STAM2: variants seen among roughly 807,000 people sequenced by gnomAD.
STAM2 encodes signal transducing adapter molecule 2.
STAM2 carries 51 observed loss-of-function variants against 65.6 expected under a neutral mutation model. The ratio of observed to expected loss-of-function variants is 0.78; its 90% CI spans 0.62 to 0.98. The LOEUF is 0.98. Among genes scored for constraint, STAM2 ranks in the 50% least tolerant of loss-of-function variants. The pLI is 0.00. For missense variants in STAM2, 584 were observed against 617.8 expected (o/e 0.95, Z 0.58); for synonymous variants, 198 against 208.4 (o/e 0.95, Z 0.43).
chr2:152,137,485 T>C (rs967121719), intron 7 of STAM2, among the ~76,000 whole-genome samples: 3 of 152,224 alleles, frequency 2.0e-5, no homozygotes, highest in African/African-American at 7.2e-5. Context: ...TCTTTTTTCA[T>C]GGATCTGTAG....
Position 152,124,124 on chromosome 2 carries a change from T to A in STAM2, c.1180-189A>T, listed in dbSNP as rs1381436390. On this transcript the variant is annotated intron_variant, in intron 12 of 13. Transcript: ENST00000263904. ...AATCACAGTGCCAAATCTATGGAAA[T>A]TTGATTTGTTTGGCTGTTCTTTTAT... is the stretch of plus-strand genomic sequence containing the variant. 5.5e-6 allele frequency: 3 copies of A among 546,208 alleles called. No individual in the cohort carries two copies. The African/African-American group carries it at 5.7e-5, about 10-fold the overall frequency. 33.8% of individuals were successfully genotyped at this position (546,208 alleles called of 1,614,324 possible). A position where few individuals can be genotyped will look rare whatever the true frequency, so the allele number is the denominator to read the frequency against.
intron 13 of STAM2, among the ~76,000 whole-genome samples, chr2:152,121,414 CTG>C: frequency 6.6e-6 from 1 of 152,308 alleles, no homozygotes; most frequent in African/African-American, 2.4e-5. Flanking sequence ...GAGATGCAAA[CTG>C]TTCCTGACAG....
Position 152,118,103 on chromosome 2 carries a change from A to C in STAM2, c.*2471T>G, listed in dbSNP as rs1437703094. 1 of 152,122 alleles carries C rather than the reference A, an allele frequency of 6.6e-6. No individual in the cohort carries two copies. Among genetic ancestry groups the C allele is most frequent in the East Asian group, 1.9e-4 (1 of 5,202 alleles). 9.4% of individuals were successfully genotyped at this position (152,122 alleles called of 1,614,324 possible). A position where few individuals can be genotyped will look rare whatever the true frequency, so the allele number is the denominator to read the frequency against. ...TTCAGGAATTCTTTCTGATGTACCAAGATTTCATATGAAAAAGCAGAAGCT... is the reference window on the plus strand; with the variant it reads ...TTCAGGAATTCTTTCTGATGTACCACGATTTCATATGAAAAAGCAGAAGCT... On this transcript the variant is annotated 3_prime_UTR_variant, in exon 14 of 14. Transcript: ENST00000263904.
At position 152,148,597 on chromosome 2, in the gene STAM2, G is replaced by A. The variant is rs551532572; in HGVS notation, c.126-297C>T. 9.6e-4 allele frequency among the ~76,000 whole-genome samples: 146 copies of A among 152,284 alleles called. 1 individual carries two copies. Among genetic ancestry groups the A allele is most frequent in the Non-Finnish European group, 1.6e-3 (110 of 68,024 alleles). ...AGGCAAGAGGACTGCTTGAGCCCAG[G>A]AAGCTGCTGTGAGCTGTGTCATGCC... On this transcript the variant is annotated intron_variant, in intron 2 of 13. Coordinates refer to ENST00000263904, the MANE Select transcript of STAM2 (RefSeq NM_005843.6).
intron 7 of STAM2, among the ~76,000 whole-genome samples, chr2:152,143,041 T>C (rs920002362): frequency 1.3e-5 from 2 of 152,242 alleles, no homozygotes; most frequent in Non-Finnish European, 2.9e-5. Flanking sequence ...ATTGTCTATA[T>C]GGTAATTTTA....
chr2:152,162,506 G>A (rs12466663), intron 1 of STAM2, among the ~76,000 whole-genome samples: 56,050 of 152,096 alleles, frequency 0.37, 12,611 homozygotes, highest in Non-Finnish European at 0.51. Flanking sequence ...ATGAGCCCAG[G>A]AGTTTGAGGT....
At chr2:152,159,656 T>C (rs954503858) in intron 1 of STAM2, among the ~76,000 whole-genome samples, 22 of 152,264 alleles carry the variant, frequency 1.4e-4, no homozygotes, top group Non-Finnish European at 2.8e-4. Flanking sequence ...ATTTTTCCCA[T>C]TGGAAAAGTA....
chr2:152,155,890 G>A (rs1438116314), intron 1 of STAM2, among the ~76,000 whole-genome samples: 2 of 152,166 alleles, frequency 1.3e-5, no homozygotes, highest in East Asian at 1.9e-4. Flanking sequence ...ATATTTTTAC[G>A]AATTTTTTGT....
At chr2:152,143,619 A>T (rs114050729) in intron 7 of STAM2, among the ~76,000 whole-genome samples, 486 of 152,368 alleles carry the variant, frequency 3.2e-3, no homozygotes, top group African/African-American at 0.011. Flanking sequence ...TTCATCCAAG[A>T]TATAAATTAT....
chr2:152,135,433 T>TA, intron 8 of STAM2, 76 bp downstream of exon 8: 14 of 1,026,500 alleles, frequency 1.4e-5, no homozygotes, highest in Non-Finnish European at 2.1e-5. Context: ...CAATCTACTT[T>TA]ACATCCAAAA....
intron 7 of STAM2, among the ~76,000 whole-genome samples, chr2:152,142,441 TCTAA>T (rs1413246458): frequency 6.6e-6 from 1 of 152,214 alleles, no homozygotes; most frequent in African/African-American, 2.4e-5. Context: ...TTGTAAGTAC[TCTAA>T]CTAAAAGACA....
chr2:152,121,719 A>G (rs1265191288), intron 13 of STAM2, among the ~76,000 whole-genome samples: 3 of 152,184 alleles, frequency 2.0e-5, no homozygotes, highest in Non-Finnish European at 2.9e-5. Flanking sequence ...GTTTGTTCCT[A>G]TAACTACTGT....
At chr2:152,136,898 T>C (rs560110915) in intron 7 of STAM2, among the ~76,000 whole-genome samples, 100 of 149,092 alleles carry the variant, frequency 6.7e-4, no homozygotes, top group Admixed American at 3.1e-3. Flanking sequence ...TTTTCTTTTT[T>C]TTTTTTTTTT....
intron 1 of STAM2, among the ~76,000 whole-genome samples, chr2:152,171,556 A>G (rs1228638888): frequency 1.3e-5 from 2 of 152,264 alleles, no homozygotes; most frequent in African/African-American, 4.8e-5. Flanking sequence ...GATTTCTTAT[A>G]AAATTTCACT....
intron 12 of STAM2, among the ~76,000 whole-genome samples, chr2:152,125,536 T>C (rs185384268): frequency 6.6e-6 from 1 of 152,290 alleles, no homozygotes; most frequent in East Asian, 1.9e-4. Context: ...CGAATGGGGA[T>C]ACTGACAAAT....
At chr2:152,124,039 TG>T (rs1400895658) in intron 12 of STAM2, 104 bp from the exon 13 acceptor site, 1 of 963,630 alleles carries the variant, frequency 1.0e-6, no homozygotes, top group Non-Finnish European at 1.5e-6. Context: ...TATACTTCTT[TG>T]GGAAGCAATC....
In STAM2 at chr2:152,133,099, G is replaced by T. The variant is rs1233357920; in HGVS notation, c.970+74C>A. On this transcript the variant is annotated intron_variant, in intron 10 of 13. Transcript: ENST00000263904. ...AACCTCTAGAGGCAAATACAAGGCA[G>T]AAGAAACTGAAGACATCATGAATAG... 4.2e-6 allele frequency: 3 copies of T among 717,704 alleles called. No individual in the cohort carries two copies. In the African/African-American group the frequency reaches 5.6e-5, roughly 13 times the overall value. The allele number at this position is 717,704 out of a possible 1,614,324, so 44.5% of individuals were successfully genotyped here. A position where few individuals can be genotyped will look rare whatever the true frequency, so the allele number is the denominator to read the frequency against.
chr2:152,121,882 C>T (rs985983604), intron 13 of STAM2, among the ~76,000 whole-genome samples: 4 of 151,792 alleles, frequency 2.6e-5, no homozygotes, highest in African/African-American at 9.7e-5. Flanking sequence ...GTCTCTACTA[C>T]AAATACAAAA....
At chr2:152,172,338 A>G (rs1316922776) in intron 1 of STAM2, among the ~76,000 whole-genome samples, 1 of 152,110 alleles carries the variant, frequency 6.6e-6, no homozygotes, top group African/African-American at 2.4e-5. Context: ...CCATTTGACA[A>G]GTCACATATC....
Sources: allele counts gnomAD v4.1 joint callset (sites outside exome capture counted in the v4.1 genomes callset), GRCh38; gene constraint gnomAD v4.1.1; transcripts MANE v1.5; gene names NCBI Gene and HGNC (gene_info 2026-07-23, HGNC 2026-07-21).